The following SLC16A6 variants were observed in gnomAD, a reference collection of about 807,000 sequenced individuals.
The protein encoded by SLC16A6 is solute carrier family 16 member 6.
Under a neutral mutation model 33.8 loss-of-function variants are expected in SLC16A6, and 15 were observed. The observed-to-expected ratio is 0.44, with a 90% CI of 0.30 to 0.68. The LOEUF is 0.68. Among genes scored for constraint, SLC16A6 ranks in the 30% least tolerant of loss-of-function variants. SLC16A6 has a pLI of 0.10. For missense variants in SLC16A6, 451 were observed against 661.5 expected (o/e 0.68, Z 3.49); for synonymous variants, 219 against 248.4 (o/e 0.88, Z 1.11).
chr17:68,289,182 C>A (rs1043848632), intron 1 of SLC16A6, among the ~76,000 whole-genome samples: 47 of 151,942 alleles, frequency 3.1e-4, no homozygotes, highest in Non-Finnish European at 5.4e-4. Flanking sequence ...TGTGTCTCTA[C>A]AAAAAAATTA....
Position 68,278,183 on chromosome 17 carries a change from A to T in SLC16A6, c.138T>A (p.Gly46=), listed in dbSNP as rs782516882. The T allele has an allele frequency of 5.6e-6, 9 of 1,614,068 alleles. No individual in the cohort carries two copies. Among genetic ancestry groups the T allele is most frequent in the Non-Finnish European group, 7.6e-6 (9 of 1,180,004 alleles). Residue 46 remains glycine, a synonymous_variant, in exon 2 of 6, where the codon GGT becomes GGA. Transcript: ENST00000580666. ...TGTCCATTAAGTCATTAAAGAAGAC[A>T]CCAAATGTCTTGATGATGCCGTAGG... The part of the protein sequence containing the change: ...VFTYGIIKTF[G]VFFNDLMDSF...
intron 1 of SLC16A6, among the ~76,000 whole-genome samples, chr17:68,287,305 G>A (rs1568419992): frequency 6.6e-6 from 1 of 151,142 alleles, no homozygotes; most frequent in Non-Finnish European, 1.5e-5. Flanking sequence ...GCGTGAGCCA[G>A]CATGCCCAGC....
intron 1 of SLC16A6, among the ~76,000 whole-genome samples, chr17:68,281,385 A>G (rs1335656453): frequency 6.6e-6 from 1 of 151,872 alleles, no homozygotes; most frequent in Admixed American, 6.6e-5. Flanking sequence ...TGGCCAACAT[A>G]GTGAAATCCC....
chr17:68,276,559 G>A (rs1209254819), intron 2 of SLC16A6, among the ~76,000 whole-genome samples: 4 of 151,820 alleles, frequency 2.6e-5, no homozygotes, highest in Middle Eastern at 3.4e-3. Context: ...AGCAATTCTC[G>A]CTCTGCAGCC....
intron 2 of SLC16A6, among the ~76,000 whole-genome samples, chr17:68,276,015 CACTT>C (rs1568410047): frequency 6.6e-6 from 1 of 150,442 alleles, no homozygotes. Flanking sequence ...TCTTGATACT[CACTT>C]AAAATAGAAC....
chr17:68,284,543 C>T (rs1440675646), intron 1 of SLC16A6, among the ~76,000 whole-genome samples: 1 of 152,112 alleles, frequency 6.6e-6, no homozygotes, highest in African/African-American at 2.4e-5. Context: ...GTTACTAAGG[C>T]AAAGGTTTTA....
At position 68,273,995 on chromosome 17, in the gene SLC16A6, GT is replaced by G. The variant is rs1568408041; in HGVS notation, c.307del (p.Thr103ProfsTer35). On this transcript the variant is annotated frameshift_variant, in exon 3 of 6. Transcript: ENST00000580666. LOFTEE classifies it high-confidence loss of function. ...VVMLGGLLVSTGMVAASFSQE... is the reference protein window; with the variant it reads ...VVMLGGLLVSXGMVAASFSQE... The stretch of plus-strand genomic sequence containing the variant: ...TGAGAAGGAGGCGGCCACCATCCCG[GT>G]GCTGACAAGTAGCCCCCCCAACATC... The G allele has an allele frequency of 6.2e-7, 1 of 1,614,040 alleles. No individual in the cohort carries two copies. Among genetic ancestry groups the G allele is most frequent in the Non-Finnish European group, 8.5e-7 (1 of 1,180,028 alleles).
Position 68,270,930 on chromosome 17 carries a change from A to C in SLC16A6, c.1230T>G (p.Asp410Glu). 1 of 1,614,240 alleles carries C rather than the reference A, an allele frequency of 6.2e-7. No individual in the cohort carries two copies. Among genetic ancestry groups the C allele is most frequent in the Non-Finnish European group, 8.5e-7 (1 of 1,180,040 alleles). Residue 410 changes from aspartate to glutamate, a missense_variant, in exon 5 of 6, where the codon GAT becomes GAG. Transcript: ENST00000580666. ...ACATCTTCTCAATGCCCACGACATCATCCTCAGCAAGCAGTGGAATGTGAG... is the reference window on the plus strand; with the variant it reads ...ACATCTTCTCAATGCCCACGACATCCTCCTCAGCAAGCAGTGGAATGTGAG... ...GGTHIPLLAE[D>E]DVVGIEKMSS... is the part of the protein sequence containing the mutation.
chr17:68,289,480 T>A (rs1220683986), intron 1 of SLC16A6, among the ~76,000 whole-genome samples: 1 of 152,182 alleles, frequency 6.6e-6, no homozygotes, highest in African/African-American at 2.4e-5. Context: ...AGGCTCTGGA[T>A]GGAAATGGGG....
intron 1 of SLC16A6, among the ~76,000 whole-genome samples, chr17:68,288,304 CCTTTT>C (rs1443765644): frequency 1.3e-5 from 2 of 152,114 alleles, no homozygotes; most frequent in African/African-American, 4.8e-5. Flanking sequence ...CCGGCCTTCT[CCTTTT>C]CTTTTTTTCC....
At chr17:68,288,427 G>GT (rs2075893806) in intron 1 of SLC16A6, among the ~76,000 whole-genome samples, 1 of 152,160 alleles carries the variant, frequency 6.6e-6, no homozygotes, top group South Asian at 2.1e-4. Context: ...GAATATAAAA[G>GT]TTTATCTGTC....
intron 1 of SLC16A6, among the ~76,000 whole-genome samples, chr17:68,281,210 G>C (rs2075685555): frequency 1.3e-5 from 2 of 151,624 alleles, no homozygotes; most frequent in Admixed American, 6.6e-5. Context: ...GGGATTAATA[G>C]CCAGAATATA....
chr17:68,283,992 G>A (rs2075783323), intron 1 of SLC16A6, among the ~76,000 whole-genome samples: 1 of 151,300 alleles, frequency 6.6e-6, no homozygotes, highest in Non-Finnish European at 1.5e-5. Flanking sequence ...CCAGGAGGCT[G>A]AGGCACGAGA....
rs1555749449 is a variant in SLC16A6 at position 68,272,744 on chromosome 17, G to C, written c.400C>G (p.Leu134Val). The change falls in exon 4 of 6, where the codon CTC becomes GTC. Residue 134 changes from leucine (L) to valine (V), a missense_variant. Coordinates refer to ENST00000580666, the MANE Select transcript of SLC16A6 (RefSeq NM_004694.5). ...TGTGATAGGATGGTTACAGTTGGGA[G>C]AAAACTAAAGCAGTATCCCAGACCT... ...ISGLGYCFSF[L>V]PTVTILSQYF... The C allele has an allele frequency of 1.2e-6, 2 of 1,614,044 alleles. No individual in the cohort carries two copies. The highest frequency in any genetic ancestry group is 1.7e-6 in the Non-Finnish European group (2 of 1,179,946).
intron 3 of SLC16A6, among the ~76,000 whole-genome samples, chr17:68,273,719 A>T (rs1390413548): frequency 6.6e-6 from 1 of 152,220 alleles, no homozygotes; most frequent in Non-Finnish European, 1.5e-5. Context: ...TGAAGATCAA[A>T]CAAAAACCCT....
At chr17:68,274,589 T>TA (rs1296015172) in intron 2 of SLC16A6, 3 of 152,422 alleles carry the variant, frequency 2.0e-5, no homozygotes, top group African/African-American at 7.2e-5. Flanking sequence ...AATAACAGTA[T>TA]AAAACTTTTA....
chr17:68,283,325 T>C (rs1823286654), intron 1 of SLC16A6, among the ~76,000 whole-genome samples: 1 of 150,334 alleles, frequency 6.7e-6, no homozygotes, highest in African/African-American at 2.5e-5. Flanking sequence ...TCAAGACCAT[T>C]CTGGCAAACA....
At chr17:68,284,878 A>T (rs1256224720) in intron 1 of SLC16A6, among the ~76,000 whole-genome samples, 1 of 152,204 alleles carries the variant, frequency 6.6e-6, no homozygotes, top group South Asian at 2.1e-4. Flanking sequence ...GATATGTCAT[A>T]AATTATATGC....
At chr17:68,274,168 T>C (rs782275721) in intron 2 of SLC16A6, 98 bp from the exon 3 acceptor site, 1 of 1,338,978 alleles carries the variant, frequency 7.5e-7, no homozygotes, top group Non-Finnish European at 1.0e-6. Context: ...GGAGAGATGA[T>C]GTCGAATATA....
Sources: allele counts gnomAD v4.1 joint callset (sites outside exome capture counted in the v4.1 genomes callset), GRCh38; gene constraint gnomAD v4.1.1; transcripts MANE v1.5; gene names NCBI Gene and HGNC (gene_info 2026-07-23, HGNC 2026-07-21).